The following KDM4B variants were observed in gnomAD, a reference collection of about 807,000 sequenced individuals.
KDM4B encodes the protein lysine-specific demethylase 4B.
Under a neutral mutation model 125.2 loss-of-function variants are expected in KDM4B, and 32 were observed. That is an observed-to-expected ratio of 0.26 (90% CI 0.19 to 0.34). The LOEUF (loss-of-function observed/expected upper bound fraction) is 0.34, where lower values mean the gene tolerates loss of function less well. Ranked by LOEUF, KDM4B falls within the 10% of genes least tolerant of loss-of-function variation. The pLI, the probability that KDM4B is intolerant of heterozygous loss-of-function variation, is 1.00. For synonymous variants in KDM4B, 721 were observed against 677.9 expected, an observed-to-expected ratio of 1.06 and a Z score of -0.99; for missense variants, 1,190 against 1,577.7, an observed-to-expected ratio of 0.75 and a Z score of 4.16.
intron 1 of KDM4B, among the ~76,000 whole-genome samples, chr19:4,993,278 C>T (rs1347070981): frequency 3.9e-5 from 6 of 152,122 alleles, no homozygotes; most frequent in African/African-American, 1.2e-4. Flanking sequence ...AGTGTGGTGG[C>T]GCATGCCTGT....
intron 2 of KDM4B, among the ~76,000 whole-genome samples, chr19:5,030,305 T>C (rs1483532884): frequency 6.6e-6 from 1 of 152,144 alleles, no homozygotes; most frequent in African/African-American, 2.4e-5. Flanking sequence ...GTTTGAGGCA[T>C]CCCTTGGGCC....
At chr19:5,019,075 CAGGTGCTGGTGTGGACGTTGGT>C (rs1267117846) in intron 2 of KDM4B, among the ~76,000 whole-genome samples, 1 of 87,082 alleles carries the variant, frequency 1.1e-5, no homozygotes, top group Admixed American at 1.1e-4. Flanking sequence ...CGTTGGTGTG[CAGGTGCTGGTGTGGACGTTGGT>C]GTGCAGGTGT....
At chr19:5,058,716 A>G (rs1425438281) in intron 6 of KDM4B, among the ~76,000 whole-genome samples, 1 of 152,160 alleles carries the variant, frequency 6.6e-6, no homozygotes, top group African/African-American at 2.4e-5. Context: ...GCAGGAGCAG[A>G]TGGCCTTCAT....
intron 1 of KDM4B, among the ~76,000 whole-genome samples, chr19:5,002,503 C>T (rs1288263344): frequency 1.1e-4 from 16 of 147,694 alleles, no homozygotes; most frequent in African/African-American, 4.0e-4. Flanking sequence ...TTCTTTCTTT[C>T]TTTTCACTTT....
At position 5,153,014 on chromosome 19, in the gene KDM4B, C is replaced by T. The variant is rs559855147; in HGVS notation, c.*1503C>T. The T allele has an allele frequency of 6.6e-6, 1 of 152,652 alleles. No individual in the cohort carries two copies. The highest frequency in any genetic ancestry group is 6.6e-5 in the Admixed American group (1 of 15,266). The allele number at this position is 152,652 out of a possible 1,614,324, so 9.5% of individuals were successfully genotyped here. ...TCAGCTCAGATTGCACCACTGCACT[C>T]CAGCCTGGGCAACAGAGCGAGACCC... On this transcript the variant is annotated 3_prime_UTR_variant, in exon 23 of 23. Coordinates refer to ENST00000159111, the MANE Select transcript of KDM4B (RefSeq NM_015015.3).
chr19:5,111,831 A>G (rs1210160968), intron 10 of KDM4B: 1 of 765,130 alleles, frequency 1.3e-6, no homozygotes, highest in East Asian at 2.4e-5. Flanking sequence ...AGACCCTTGC[A>G]GATGATAGAC....
chr19:5,133,989 G>C lies in KDM4B; in HGVS notation c.2013G>C (p.Arg671Ser). 1 of 1,612,416 alleles carries C rather than the reference G, an allele frequency of 6.2e-7. No homozygotes were observed. Among genetic ancestry groups the C allele is most frequent in the Non-Finnish European group, 8.5e-7 (1 of 1,179,910 alleles). ...GGGCGGCCAGCTTCCAGGCCGAGAG[G>C]AAGTTCAACGCAGCGGCTGCGCGCA... The part of the protein sequence containing the change: ...KNRAASFQAE[R>S]KFNAAAARTE... The change falls in exon 14 of 23, where the codon AGG becomes AGC. Residue 671 changes from arginine (R) to serine (S), a missense_variant. Physicochemically the swap from Arg to Ser is moderately radical, Grantham distance 110. This residue lies in a region of KDM4B where 128 missense variants were observed against 137.8 expected (regional missense o/e 0.93). Coordinates refer to ENST00000159111, the MANE Select transcript of KDM4B (RefSeq NM_015015.3).
intron 1 of KDM4B, among the ~76,000 whole-genome samples, chr19:4,987,799 G>A (rs994244757): frequency 1.6e-4 from 24 of 152,158 alleles, no homozygotes; most frequent in African/African-American, 5.8e-4. Flanking sequence ...AACTCCAGGC[G>A]TCGCCCAGGT....
At chr19:5,054,006 G>A (rs1055410661) in intron 6 of KDM4B, among the ~76,000 whole-genome samples, 5 of 152,252 alleles carry the variant, frequency 3.3e-5, no homozygotes, top group Non-Finnish European at 7.3e-5. Context: ...TTCTGATGGC[G>A]ACTGTGGCCA....
intron 9 of KDM4B, among the ~76,000 whole-genome samples, chr19:5,101,526 G>A (rs2038933309): frequency 6.7e-6 from 1 of 150,172 alleles, no homozygotes; most frequent in Non-Finnish European, 1.5e-5. Context: ...GAGTAAGACT[G>A]TCTGAAAAAA....
intron 13 of KDM4B, 117 bp from the exon 14 acceptor site, chr19:5,133,766 C>G (rs1422720794): frequency 9.6e-7 from 1 of 1,040,378 alleles, no homozygotes; most frequent in Non-Finnish European, 1.4e-6. Context: ...GGCCAGGGAC[C>G]CTGTGGGCAG....
At chr19:5,046,729 G>A (rs548634792) in intron 5 of KDM4B, among the ~76,000 whole-genome samples, 4 of 152,316 alleles carry the variant, frequency 2.6e-5, no homozygotes, top group African/African-American at 7.2e-5. Flanking sequence ...TCGTCTCCTC[G>A]GTCAGAAGCT....
chr19:5,011,580 C>A (rs549987276), intron 1 of KDM4B, among the ~76,000 whole-genome samples: 1 of 152,316 alleles, frequency 6.6e-6, no homozygotes, highest in South Asian at 2.1e-4. Flanking sequence ...GGCTTGTGGC[C>A]GTGGGAGAGG....
intron 9 of KDM4B, among the ~76,000 whole-genome samples, chr19:5,109,021 G>A (rs1384619601): frequency 6.6e-6 from 1 of 152,104 alleles, no homozygotes; most frequent in Non-Finnish European, 1.5e-5. Flanking sequence ...ACTGCTGCCC[G>A]CAGGTCAACT....
Position 5,032,940 on chromosome 19 carries a change from C to T in KDM4B, c.50C>T (p.Thr17Met), listed in dbSNP as rs769295777. Residue 17 changes from threonine (T) to methionine (M), a missense_variant, in exon 3 of 23, where the codon ACG (threonine) becomes ATG (methionine). Transcript: ENST00000159111. ...CAGAACCCCAGCTGTAAAATCATGA[C>T]GTTTCGCCCAACCATGGAAGAATTT... ...GAQNPSCKIM[T>M]FRPTMEEFKD... 2.5e-6 allele frequency: 4 copies of T among 1,614,080 alleles called. No homozygotes were observed. The highest frequency in any genetic ancestry group is 1.7e-5 in the Admixed American group (1 of 60,008).
chr19:5,027,076 G>A (rs1310697100), intron 2 of KDM4B, among the ~76,000 whole-genome samples: 1 of 152,232 alleles, frequency 6.6e-6, no homozygotes, highest in African/African-American at 2.4e-5. Context: ...TCCCGTGAGC[G>A]GGAGACAGAG....
At chr19:5,070,858 C>A in intron 6 of KDM4B, 152 bp from the exon 7 acceptor site, 1 of 670,024 alleles carries the variant, frequency 1.5e-6, no homozygotes. Flanking sequence ...GCCCCCACCC[C>A]CGGCCATCCC....
intron 7 of KDM4B, among the ~76,000 whole-genome samples, chr19:5,072,222 A>G (rs1271551908): frequency 6.6e-6 from 1 of 152,142 alleles, no homozygotes; most frequent in African/African-American, 2.4e-5. Context: ...GGAGATGGGA[A>G]CTGTCAGTCT....
intron 11 of KDM4B, among the ~76,000 whole-genome samples, chr19:5,124,080 C>T (rs1030849341): frequency 6.6e-6 from 1 of 152,036 alleles, no homozygotes; most frequent in Non-Finnish European, 1.5e-5. Context: ...GCCCTTCTCA[C>T]GAGTCAGAAC....
Sources: allele counts gnomAD v4.1 joint callset (sites outside exome capture counted in the v4.1 genomes callset), GRCh38; gene constraint gnomAD v4.1.1; regional missense constraint gnomAD v4.1.1; transcripts MANE v1.5; gene names NCBI Gene and HGNC (gene_info 2026-07-23, HGNC 2026-07-21).